CHD8: variants seen among roughly 807,000 people sequenced by gnomAD.
CHD8 encodes chromodomain helicase DNA binding protein 8.
In CHD8, 31 loss-of-function variants were observed where a neutral mutation model predicts 279.2. The ratio of observed to expected loss-of-function variants is 0.11; its 90% CI spans 0.08 to 0.15. The LOEUF is 0.15. Among genes scored for constraint, CHD8 ranks in the 10% least tolerant of loss-of-function variants. The probability of loss-of-function intolerance (pLI) is 1.00; values close to 1 mark genes in which losing one functional copy is unlikely to be tolerated. For synonymous variants in CHD8, 1,081 were observed against 1,139.6 expected (o/e 0.95, Z 1.04); for missense variants, 2,146 against 3,230.5 (o/e 0.66, Z 8.14).
intron 37 of CHD8, among the ~76,000 whole-genome samples, chr14:21,387,673 G>A (rs1210712612): frequency 4.0e-5 from 6 of 148,300 alleles, no homozygotes; most frequent in Non-Finnish European, 7.4e-5. Flanking sequence ...GGGTGTGGTC[G>A]TGCATGGCTG....
chr14:21,441,729 A>C (rs549501034), intron 1 of CHD8, among the ~76,000 whole-genome samples: 10 of 152,116 alleles, frequency 6.6e-5, no homozygotes, highest in Middle Eastern at 3.4e-3. Context: ...TCTACTAAAA[A>C]TACAAAAAAA....
intron 1 of CHD8, among the ~76,000 whole-genome samples, chr14:21,437,594 C>A (rs1222074573): frequency 2.0e-5 from 3 of 152,164 alleles, no homozygotes; most frequent in African/African-American, 7.2e-5. Flanking sequence ...GGGTTCCGCG[C>A]TAGGCCAGCT....
At chr14:21,421,512 ATT>A (rs1163632647) in intron 5 of CHD8, among the ~76,000 whole-genome samples, 1 of 152,108 alleles carries the variant, frequency 6.6e-6, no homozygotes, top group African/African-American at 2.4e-5. Flanking sequence ...ATATCACTGC[ATT>A]CTTTTGAGAA....
At chr14:21,417,863 A>ATATAT (rs1329765463) in intron 5 of CHD8, among the ~76,000 whole-genome samples, 4 of 137,814 alleles carry the variant, frequency 2.9e-5, no homozygotes, top group African/African-American at 1.1e-4. Context: ...AAAAAAAAAA[A>ATATAT]AAATATATAT....
In CHD8 at chr14:21,385,433, C is replaced by T. The variant is rs1262882554; in HGVS notation, c.*180G>A. 2.0e-6 allele frequency: 2 copies of T among 1,016,320 alleles called. No homozygotes were observed. Among genetic ancestry groups the T allele is most frequent in the African/African-American group, 3.3e-5 (2 of 61,520 alleles). The allele number at this position is 1,016,320 out of a possible 1,614,324, so 63.0% of individuals were successfully genotyped here. A position where few individuals can be genotyped will look rare whatever the true frequency, so the allele number is the denominator to read the frequency against. On this transcript the variant is annotated 3_prime_UTR_variant, in exon 38 of 38. Coordinates refer to ENST00000646647, the MANE Select transcript of CHD8 (RefSeq NM_001170629.2). Reference sequence around the variant, plus strand: ...TGTATTATTTTAGGAGTTCCCCTGCCCACCCAATCCTCTCATAATTGGGAG... The same window carrying T: ...TGTATTATTTTAGGAGTTCCCCTGCTCACCCAATCCTCTCATAATTGGGAG...
intron 5 of CHD8, among the ~76,000 whole-genome samples, chr14:21,422,228 C>T (rs1889077505): frequency 6.6e-6 from 1 of 152,154 alleles, no homozygotes; most frequent in African/African-American, 2.4e-5. Flanking sequence ...ATGATCCCAG[C>T]TACTCGGGAG....
intron 1 of CHD8, among the ~76,000 whole-genome samples, chr14:21,440,162 G>A (rs1464064403): frequency 1.3e-5 from 2 of 152,036 alleles, no homozygotes; most frequent in African/African-American, 2.4e-5. Context: ...GACCAGCAGG[G>A]GCTCAGGAGG....
intron 35 of CHD8, 61 bp downstream of exon 35, chr14:21,391,772 C>A (rs967813670): frequency 7.2e-6 from 11 of 1,529,588 alleles, no homozygotes. Flanking sequence ...CTGCCTTCAT[C>A]AATTATTGGG....
intron 5 of CHD8, among the ~76,000 whole-genome samples, chr14:21,418,167 C>T (rs918517913): frequency 2.0e-5 from 3 of 151,920 alleles, no homozygotes; most frequent in Non-Finnish European, 4.4e-5. Flanking sequence ...AGAAAAAGAA[C>T]AACAAAAAAT....
intron 37 of CHD8, among the ~76,000 whole-genome samples, chr14:21,390,242 A>C (rs980046172): frequency 1.3e-5 from 2 of 152,158 alleles, no homozygotes; most frequent in African/African-American, 4.8e-5. Flanking sequence ...TCTCAAAAAA[A>C]CAGAAAACTT....
At chr14:21,435,301 ACAATACAGTTACCT>A (rs1354999785) in intron 1 of CHD8, among the ~76,000 whole-genome samples, 17 of 152,226 alleles carry the variant, frequency 1.1e-4, no homozygotes, top group Admixed American at 5.2e-4. Flanking sequence ...TCGCCAAGTA[ACAATACAGTTACCT>A]GTAGAAAAAT....
At chr14:21,388,254 G>A (rs1161962379) in intron 37 of CHD8, among the ~76,000 whole-genome samples, 2 of 152,130 alleles carry the variant, frequency 1.3e-5, no homozygotes, top group African/African-American at 4.8e-5. Context: ...AAATATATGT[G>A]TATGCACATA....
chr14:21,437,054 G>A, intron 1 of CHD8: 1 of 560,388 alleles, frequency 1.8e-6, no homozygotes, highest in South Asian at 1.6e-5. Flanking sequence ...GCCAAGACGG[G>A]AAGATGCGGG....
intron 29 of CHD8, 72 bp downstream of exon 29, chr14:21,395,226 G>T: frequency 1.3e-6 from 2 of 1,526,606 alleles, no homozygotes; most frequent in African/African-American, 1.4e-5. Flanking sequence ...CCCAGGATAG[G>T]ACAGAATTCA....
Position 21,418,225 on chromosome 14 carries a change from T to A in CHD8, c.1717-2318A>T, listed in dbSNP as rs1272194250. On this transcript the variant is annotated intron_variant, in intron 5 of 37. Coordinates refer to ENST00000646647, the MANE Select transcript of CHD8 (RefSeq NM_001170629.2). Reference sequence around the variant, plus strand: ...AAAAGTACATACTGTATGATACTACTTAAAGTTCAAAGCCGGGCACGGTGG... The same window carrying A: ...AAAAGTACATACTGTATGATACTACATAAAGTTCAAAGCCGGGCACGGTGG... Among the ~76,000 whole-genome samples, 4 of 151,970 alleles carry A rather than the reference T, an allele frequency of 2.6e-5. No individual in the cohort carries two copies. The East Asian group carries it at 5.8e-4, about 22-fold the overall frequency.
intron 10 of CHD8, among the ~76,000 whole-genome samples, chr14:21,412,296 C>T (rs1348359977): frequency 6.6e-6 from 1 of 151,942 alleles, no homozygotes; most frequent in Non-Finnish European, 1.5e-5. Flanking sequence ...TAGGCACGTG[C>T]CACCACACCT....
At chr14:21,401,236 G>A (rs1006599100) in intron 21 of CHD8, among the ~76,000 whole-genome samples, 165 bp from the exon 22 acceptor site, 1 of 151,986 alleles carries the variant, frequency 6.6e-6, no homozygotes, top group African/African-American at 2.4e-5. Flanking sequence ...TATTCAGAAA[G>A]CAACTACTTT....
chr14:21,399,943 G>A (rs773803085), intron 25 of CHD8, 38 bp downstream of exon 25: 4 of 1,500,768 alleles, frequency 2.7e-6, no homozygotes, highest in Admixed American at 1.7e-5. Context: ...CCTCAAATAA[G>A]GTAGGGCATA....
rs137891371 is a variant in CHD8, at chr14:21,450,289, C to T, written c.-216+5743G>A. On this transcript the variant is annotated intron_variant, in intron 1 of 37. Transcript: ENST00000646647. ...AAATAAGCAGCCAAACTATAGAAAT[C>T]ACTGGTTTCTTCCAGAACTAACCAA... 8.0e-4 allele frequency among the ~76,000 whole-genome samples: 122 copies of T among 152,268 alleles called. No homozygotes were observed. In the East Asian group the frequency reaches 0.015, roughly 18 times the overall value.
Sources: allele counts gnomAD v4.1 joint callset (sites outside exome capture counted in the v4.1 genomes callset), GRCh38; gene constraint gnomAD v4.1.1; transcripts MANE v1.5; gene names NCBI Gene and HGNC (gene_info 2026-07-23, HGNC 2026-07-21).